Variants in IL1RAPL2 observed in about 807,000 individuals in gnomAD.
IL1RAPL2 encodes the protein interleukin 1 receptor accessory protein like 2.
IL1RAPL2 carries 3 observed loss-of-function variants against 44.1 expected under a neutral mutation model. The observed-to-expected ratio is 0.07, with a 90% CI of 0.03 to 0.18. IL1RAPL2 has a LOEUF of 0.18. Ranked by LOEUF, IL1RAPL2 falls within the 10% of genes least tolerant of loss-of-function variation. The pLI, the probability that IL1RAPL2 is intolerant of heterozygous loss-of-function variation, is 1.00. For synonymous variants in IL1RAPL2, 181 were observed against 178.8 expected, an observed-to-expected ratio of 1.01 and a Z score of -0.10; for missense variants, 391 against 496.4, an observed-to-expected ratio of 0.79 and a Z score of 2.02.
intron 7 of IL1RAPL2, among the ~76,000 whole-genome samples, chrX:105,721,244 C>T (rs747795508): frequency 2.7e-5 from 3 of 110,510 alleles, no homozygotes; most frequent in Non-Finnish European, 1.9e-5. Context: ...GGTGAAACCC[C>T]GTCTCTACTG....
At chrX:104,882,064 T>A (rs751009215) in intron 2 of IL1RAPL2, among the ~76,000 whole-genome samples, 116 of 112,606 alleles carry the variant, frequency 1.0e-3, no homozygotes, top group Non-Finnish European at 1.9e-3. Flanking sequence ...CTTCTCTTTA[T>A]GGAATACTTG....
chrX:105,760,610 T>C (rs1286959693), intron 10 of IL1RAPL2, among the ~76,000 whole-genome samples: 7 of 111,958 alleles, frequency 6.3e-5, no homozygotes, highest in Non-Finnish European at 1.3e-4. Flanking sequence ...CACCCACAGG[T>C]GAAATGTGAA....
At chrX:105,732,588 G>C (rs1462940193) in intron 7 of IL1RAPL2, among the ~76,000 whole-genome samples, 1 of 111,235 alleles carries the variant, frequency 9.0e-6, no homozygotes, top group African/African-American at 3.3e-5. Flanking sequence ...CCTGTGGAAC[G>C]GTGAGCCAAT....
At chrX:105,380,624 T>C (rs2035422557) in intron 5 of IL1RAPL2, among the ~76,000 whole-genome samples, 1 of 111,713 alleles carries the variant, frequency 9.0e-6, no homozygotes, top group Non-Finnish European at 1.9e-5. Flanking sequence ...AGAAATATAG[T>C]CATCTTGTCT....
intron 5 of IL1RAPL2, among the ~76,000 whole-genome samples, chrX:105,376,452 T>TCTG (rs2035387896): frequency 8.9e-6 from 1 of 112,175 alleles, no homozygotes; most frequent in Non-Finnish European, 1.9e-5. Flanking sequence ...AATCCCTTTT[T>TCTG]CTGCTGCTGC....
intron 2 of IL1RAPL2, among the ~76,000 whole-genome samples, chrX:104,750,944 A>G (rs764810134): frequency 9.0e-6 from 1 of 111,316 alleles, no homozygotes; most frequent in East Asian, 2.9e-4. Flanking sequence ...ATGACCTTTG[A>G]TAAGTCGCCA....
At chrX:105,097,251 C>T (rs191624543) in intron 2 of IL1RAPL2, among the ~76,000 whole-genome samples, 4 of 103,554 alleles carry the variant, frequency 3.9e-5, no homozygotes, top group South Asian at 4.8e-4. Flanking sequence ...GGCATGAACC[C>T]GGGAGGCGGA....
At chrX:104,971,283 G>A (rs916560737) in intron 2 of IL1RAPL2, among the ~76,000 whole-genome samples, 1 of 111,437 alleles carries the variant, frequency 9.0e-6, no homozygotes, top group African/African-American at 3.3e-5. Context: ...GGGAGGCAGA[G>A]GTTGCAGTGA....
intron 1 of IL1RAPL2, among the ~76,000 whole-genome samples, chrX:104,624,928 A>G (rs1206846258): frequency 1.8e-5 from 2 of 111,983 alleles, no homozygotes; most frequent in Non-Finnish European, 3.8e-5. Context: ...ATATTGTCCA[A>G]TAATATGTCT....
chrX:104,841,543 T>C (rs144556193), intron 2 of IL1RAPL2, among the ~76,000 whole-genome samples: 7,222 of 111,746 alleles, frequency 0.065, 230 homozygotes, highest in Non-Finnish European at 0.1. Context: ...TTCCTGTCCA[T>C]ATTTAGTGCT....
intron 2 of IL1RAPL2, among the ~76,000 whole-genome samples, chrX:104,758,786 G>T (rs1932380378): frequency 9.0e-6 from 1 of 111,643 alleles, no homozygotes; most frequent in African/African-American, 3.2e-5. Flanking sequence ...TCTCCCTGAT[G>T]ATCTGATGAT....
At chrX:104,972,364 G>A (rs2030253686) in intron 2 of IL1RAPL2, among the ~76,000 whole-genome samples, 1 of 111,609 alleles carries the variant, frequency 9.0e-6, no homozygotes, top group South Asian at 3.8e-4. Flanking sequence ...TGTACTGGAG[G>A]TATAGATACC....
intron 2 of IL1RAPL2, among the ~76,000 whole-genome samples, chrX:104,912,208 C>CT (rs1260980054): frequency 1.8e-5 from 2 of 108,499 alleles, no homozygotes; most frequent in Non-Finnish European, 3.8e-5. Flanking sequence ...TTTCTAACAC[C>CT]TAGAAGGCTG....
chrX:105,107,952 T>C (rs1251872831), intron 2 of IL1RAPL2, among the ~76,000 whole-genome samples: 1 of 111,681 alleles, frequency 9.0e-6, no homozygotes, highest in African/African-American at 3.3e-5. Flanking sequence ...ACTATCCTGA[T>C]ATACTTTACA....
chrX:105,484,963 T>A (rs1602432783), intron 6 of IL1RAPL2, among the ~76,000 whole-genome samples: 2 of 111,690 alleles, frequency 1.8e-5, no homozygotes, highest in African/African-American at 6.5e-5. Flanking sequence ...GTTACACCTC[T>A]TTTTAGAGCT....
chrX:105,322,546 G>A (rs925975504), intron 5 of IL1RAPL2, among the ~76,000 whole-genome samples: 3 of 111,397 alleles, frequency 2.7e-5, no homozygotes, highest in Non-Finnish European at 5.6e-5. Flanking sequence ...TCACCTGGAG[G>A]TCATTCTCAA....
intron 5 of IL1RAPL2, among the ~76,000 whole-genome samples, chrX:105,385,787 A>C (rs1034076164): frequency 9.0e-6 from 1 of 111,009 alleles, no homozygotes; most frequent in African/African-American, 3.3e-5. Context: ...GGAACTATTA[A>C]GTAAGTGAAA....
At chrX:105,338,284 T>G (rs1437878824) in intron 5 of IL1RAPL2, among the ~76,000 whole-genome samples, 1 of 111,938 alleles carries the variant, frequency 8.9e-6, no homozygotes, top group East Asian at 2.8e-4. Flanking sequence ...CTAGAATTAC[T>G]CATATACTCT....
Position 104,933,923 on chromosome X carries a change from A to G in IL1RAPL2, c.83-261552A>G, listed in dbSNP as rs775271833. Among the ~76,000 whole-genome samples, 108 of 112,143 alleles carry G rather than the reference A, an allele frequency of 9.6e-4. 1 individual carries two copies. Among genetic ancestry groups the G allele is most frequent in the Non-Finnish European group, 1.8e-3 (95 of 53,175 alleles). On this transcript the variant is annotated intron_variant, in intron 2 of 10. Coordinates refer to ENST00000372582, the MANE Select transcript of IL1RAPL2 (RefSeq NM_017416.2). ...GAACTCCTTTGAAAATAAGCAATGA[A>G]AGAAAAAACAATGTGGAACATATGG... is the stretch of plus-strand genomic sequence containing the variant.
Sources: allele counts gnomAD v4.1 joint callset (sites outside exome capture counted in the v4.1 genomes callset), GRCh38; gene constraint gnomAD v4.1.1; transcripts MANE v1.5; gene names NCBI Gene and HGNC (gene_info 2026-07-23, HGNC 2026-07-21).